Variants in ALDH1L1 observed in about 807,000 individuals in gnomAD.
ALDH1L1 encodes cytosolic 10-formyltetrahydrofolate dehydrogenase.
A neutral mutation model predicts 101.1 loss-of-function variants in ALDH1L1; 68 were observed. The observed-to-expected ratio is 0.67, with a 90% CI of 0.55 to 0.82. ALDH1L1 has a LOEUF of 0.82. ALDH1L1 is among the 40% of genes least tolerant of loss of function. ALDH1L1 has a pLI of 0.00. For synonymous variants in ALDH1L1, 486 were observed against 470.8 expected (o/e 1.03, Z -0.42); for missense variants, 1,087 against 1,172.7 (o/e 0.93, Z 1.07).
At chr3:126,112,933 C>T (rs900779078) in intron 18 of ALDH1L1, 53 bp from the exon 19 acceptor site, 2 of 1,567,076 alleles carry the variant, frequency 1.3e-6, no homozygotes, top group Non-Finnish European at 1.7e-6. Context: ...GGACACCAGC[C>T]CCCGGCTCTG....
At chr3:126,158,015 G>A (rs1365526605) in intron 3 of ALDH1L1, among the ~76,000 whole-genome samples, 1 of 152,182 alleles carries the variant, frequency 6.6e-6, no homozygotes, top group Non-Finnish European at 1.5e-5. Context: ...GCCCAGAGCA[G>A]CGGCAGTGGA....
At chr3:126,113,107 C>T (rs982409486) in intron 18 of ALDH1L1, among the ~76,000 whole-genome samples, 19 of 152,212 alleles carry the variant, frequency 1.2e-4, no homozygotes, top group Admixed American at 1.3e-4. Flanking sequence ...AGAGACACCA[C>T]GCCCCAACTC....
At chr3:126,183,587 C>A (rs141255396), upstream of ALDH1L1, among the ~76,000 whole-genome samples, 2 of 152,134 alleles carry the variant, frequency 1.3e-5, no homozygotes, top group East Asian at 1.9e-4. Flanking sequence ...TTTCAGGACC[C>A]GCCCAGGAAG....
At chr3:126,151,887 C>T (rs1176470680) in intron 7 of ALDH1L1, 2 of 159,836 alleles carry the variant, frequency 1.3e-5, no homozygotes, top group Non-Finnish European at 2.9e-5. Flanking sequence ...CCACCCTGAC[C>T]ACCTCTGGAC....
chr3:126,181,257 G>A, upstream of ALDH1L1: 1 of 551,370 alleles, frequency 1.8e-6, no homozygotes, highest in Non-Finnish European at 3.3e-6. Context: ...TGCCGGGAGT[G>A]ATAATTGCGT....
intron 14 of ALDH1L1, chr3:126,129,173 G>A (rs12638724): frequency 0.44 from 66,583 of 152,182 alleles, 14,812 homozygotes; most frequent in Middle Eastern, 0.5. Context: ...GCTCCTCTCT[G>A]GGGCTCTAAG....
chr3:126,148,536 C>T (rs1052950241), intron 8 of ALDH1L1, among the ~76,000 whole-genome samples: 3 of 152,126 alleles, frequency 2.0e-5, no homozygotes, highest in Admixed American at 6.5e-5. Context: ...TCCTGGAGGC[C>T]GAGTGCAGCT....
rs1035986126 is a variant in ALDH1L1 at position 126,150,490 on chromosome 3, G to T, written c.900C>A (p.Ile300=). 6.4e-7 allele frequency: 1 copy of T among 1,551,604 alleles called. No homozygotes were observed. Among genetic ancestry groups the T allele is most frequent in the Middle Eastern group, 1.7e-4 (1 of 5,990 alleles). The change falls in exon 8 of 23, where the codon ATC becomes ATA. Residue 300 remains isoleucine (I), a synonymous_variant. Transcript: ENST00000393434. ...KNIQLEDGKM[I]LASNFFKGAA... Reference sequence around the variant, plus strand: ...CCCCCTTAAAGAAGTTCGAGGCCAGGATCATTTTGCCATCCTCCAGCTGAA... The same window carrying T: ...CCCCCTTAAAGAAGTTCGAGGCCAGTATCATTTTGCCATCCTCCAGCTGAA...
At chr3:126,135,758 A>G (rs1439454677) in intron 11 of ALDH1L1, 96 bp from the exon 12 acceptor site, 6 of 1,394,264 alleles carry the variant, frequency 4.3e-6, no homozygotes, top group Non-Finnish European at 5.6e-6. Context: ...GGCCCCAGTG[A>G]GGCGGCCCCT....
chr3:126,175,080 G>A (rs555598999), intron 1 of ALDH1L1, among the ~76,000 whole-genome samples: 81 of 151,980 alleles, frequency 5.3e-4, no homozygotes, highest in Non-Finnish European at 1.1e-3. Flanking sequence ...CTGATCCTAC[G>A]GTCATTAAAA....
At chr3:126,162,739 T>C (rs1261335395) in intron 1 of ALDH1L1, among the ~76,000 whole-genome samples, 1 of 152,230 alleles carries the variant, frequency 6.6e-6, no homozygotes, top group Non-Finnish European at 1.5e-5. Flanking sequence ...TAGTGGTTCT[T>C]GTATTCTATT....
intron 1 of ALDH1L1, among the ~76,000 whole-genome samples, chr3:126,187,892 A>G (rs2081530161): frequency 1.1e-5 from 1 of 90,520 alleles, no homozygotes; most frequent in South Asian, 3.2e-4. Context: ...CGGCTCTGTC[A>G]AAAAGAAAAA....
intron 5 of ALDH1L1, 106 bp from the exon 6 acceptor site, chr3:126,154,749 C>T: frequency 9.9e-7 from 1 of 1,005,182 alleles, no homozygotes; most frequent in South Asian, 1.4e-5. Flanking sequence ...GCTGGTAACC[C>T]CAGCTTCCTC....
intron 1 of ALDH1L1, among the ~76,000 whole-genome samples, chr3:126,166,891 C>T (rs538027586): frequency 5.1e-4 from 78 of 152,234 alleles, no homozygotes; most frequent in African/African-American, 1.8e-3. Context: ...AGTTAAAATG[C>T]CCCTCTGTCA....
chr3:126,194,213 A>T (rs1460637341), intron 1 of ALDH1L1, among the ~76,000 whole-genome samples: 1 of 152,222 alleles, frequency 6.6e-6, no homozygotes, highest in Non-Finnish European at 1.5e-5. Flanking sequence ...ACATATTAGA[A>T]TTTTAGAAAT....
chr3:126,114,556 C>T lies in ALDH1L1; in HGVS notation c.2082+1G>A, dbSNP rs142903055. 22 of 1,495,208 alleles carry T rather than the reference C, an allele frequency of 1.5e-5. No individual in the cohort carries two copies. Among genetic ancestry groups the T allele is most frequent in the Non-Finnish European group, 2.0e-5 (22 of 1,122,266 alleles). The allele number at this position is 1,495,208 out of a possible 1,614,324, so 92.6% of individuals were successfully genotyped here. ...CTGCCCCCTCCAGGCCCGGCCCTCA[C>T]CATCTGCACAGCCTTGTTGAGGTCA... On this transcript the variant is annotated splice_donor_variant, in intron 18 of 22. Transcript: ENST00000393434. LOFTEE classifies it high-confidence loss of function.
intron 1 of ALDH1L1, among the ~76,000 whole-genome samples, chr3:126,179,261 C>G (rs766755926): frequency 2.0e-5 from 3 of 152,264 alleles, no homozygotes; most frequent in Admixed American, 6.5e-5. Flanking sequence ...TACCCAATTC[C>G]CAGCCCAGGC....
At chr3:126,108,699 C>G (rs1295346923) in intron 20 of ALDH1L1, among the ~76,000 whole-genome samples, 3 of 152,226 alleles carry the variant, frequency 2.0e-5, no homozygotes, top group African/African-American at 7.2e-5. Flanking sequence ...AGCAGGAGCT[C>G]TCCAGGTGGG....
At chr3:126,111,629 C>T (rs1027478651) in intron 19 of ALDH1L1, among the ~76,000 whole-genome samples, 3 of 152,222 alleles carry the variant, frequency 2.0e-5, no homozygotes, top group Admixed American at 6.5e-5. Flanking sequence ...CCACTGCTTC[C>T]GGACTCTGAG....
Sources: gnomAD v4.1 joint callset for allele counts (sites outside exome capture counted in the v4.1 genomes callset) on GRCh38, gnomAD v4.1.1 for gene constraint, MANE v1.5 for transcripts, NCBI Gene and HGNC (gene_info 2026-07-23, HGNC 2026-07-21) for gene names.